The following HERC2 variants were observed in gnomAD, a reference collection of about 807,000 sequenced individuals.
HERC2 encodes the protein E3 ubiquitin-protein ligase HERC2.
In HERC2, 102 loss-of-function variants were observed where a neutral mutation model predicts 537.7. The ratio of observed to expected loss-of-function variants is 0.19; its 90% CI spans 0.16 to 0.22. The LOEUF (loss-of-function observed/expected upper bound fraction) is 0.22, where lower values mean the gene tolerates loss of function less well. Among genes scored for constraint, HERC2 ranks in the 10% least tolerant of loss-of-function variants. The pLI is 1.00. For synonymous variants in HERC2, 2,224 were observed against 2,466.2 expected (o/e 0.90, Z 2.91); for missense variants, 4,236 against 6,198.2 (o/e 0.68, Z 10.63).
At chr15:28,195,966 G>A (rs1897310836) in intron 52 of HERC2, among the ~76,000 whole-genome samples, 2 of 152,054 alleles carry the variant, frequency 1.3e-5, no homozygotes, top group Non-Finnish European at 2.9e-5. Flanking sequence ...TTCTTTTAAT[G>A]TTTCTTTATG....
At chr15:28,168,262 C>G in intron 67 of HERC2, 145 bp downstream of exon 67, 1 of 711,086 alleles carries the variant, frequency 1.4e-6, no homozygotes, top group Non-Finnish European at 2.3e-6. Flanking sequence ...AGCTCCTTTA[C>G]AGAGAATATT....
chr15:28,176,610 G>T lies in HERC2; in HGVS notation c.9515-11C>A, dbSNP rs781473707. The T allele has an allele frequency of 1.2e-6, 2 of 1,614,110 alleles. No homozygotes were observed. Among genetic ancestry groups the T allele is most frequent in the Admixed American group, 3.3e-5 (2 of 60,016 alleles). ...AGGAAAATACCAAACCTAGGTTTAA[G>T]AAACACATATACTTCAGGCCAGCGT... is the stretch of plus-strand genomic sequence containing the variant. On this transcript the variant is annotated splice_polypyrimidine_tract_variant and intron_variant, in intron 62 of 92. Coordinates refer to ENST00000261609, the MANE Select transcript of HERC2 (RefSeq NM_004667.6). The surrounding 1 kb of genome is among the most constrained non-coding windows in gnomAD (Gnocchi z 5.0).
chr15:28,238,572 TTAACCAGGAAA>T lies in HERC2; in HGVS notation c.3748+19_3748+29del. On this transcript the variant is annotated intron_variant, in intron 24 of 92. Transcript: ENST00000261609. ...CTTAAAATGATATAGGTTGTAACTT[TTAACCAGGAAA>T]TAACAAGTGTAATCTTACCAAGAAT... 1 of 1,587,260 alleles carries T rather than the reference TTAACCAGGAAA, an allele frequency of 6.3e-7. No homozygotes were observed. The highest frequency in any genetic ancestry group is 8.6e-7 in the Non-Finnish European group (1 of 1,159,504).
At chr15:28,214,899 G>A in intron 39 of HERC2, 97 bp from the exon 40 acceptor site, 2 of 1,004,504 alleles carry the variant, frequency 2.0e-6, no homozygotes, top group Non-Finnish European at 2.9e-6. Flanking sequence ...TTGAGACAGA[G>A]TCTCACACTG....
chr15:28,185,596 T>C (rs1896233447), intron 56 of HERC2, among the ~76,000 whole-genome samples: 1 of 152,200 alleles, frequency 6.6e-6, no homozygotes, highest in South Asian at 2.1e-4. Flanking sequence ...CAAATGCAAG[T>C]TCTAGATACA....
chr15:28,256,073 C>T lies in HERC2; in HGVS notation c.2746+16G>A. ...ACCCTGACCCATGCCCTCTCCTGTT[C>T]CTTCCCCAGGCCCACCTGCGCAGGG... On this transcript the variant is annotated intron_variant, in intron 18 of 92. Coordinates refer to ENST00000261609, the MANE Select transcript of HERC2 (RefSeq NM_004667.6). 1 of 1,603,784 alleles carries T rather than the reference C, an allele frequency of 6.2e-7. No homozygotes were observed. Among genetic ancestry groups the T allele is most frequent in the East Asian group, 2.2e-5 (1 of 44,846 alleles).
At chr15:28,287,042 C>G (rs1635170) in intron 4 of HERC2, among the ~76,000 whole-genome samples, 152,300 of 152,332 alleles carry the variant, frequency 1, 76,134 homozygotes, top group Middle Eastern at 1. Context: ...TGAATATGTG[C>G]GTGCGCGCTG....
intron 69 of HERC2, among the ~76,000 whole-genome samples, chr15:28,157,451 C>T (rs1893124121): frequency 1.3e-5 from 2 of 152,184 alleles, no homozygotes. Context: ...AGAGATTCAA[C>T]TTCTTCCTGG....
chr15:28,270,843 T>C lies in HERC2; in HGVS notation c.1109A>G (p.Asn370Ser), dbSNP rs201724547. Reference sequence around the variant, plus strand: ...GGTGAGGTACCTCAGGAAACTCTCATTGGGGCTCAGAGGGCCAGACAAAAG... The same window carrying C: ...GGTGAGGTACCTCAGGAAACTCTCACTGGGGCTCAGAGGGCCAGACAAAAG... The part of the protein sequence containing the change: ...MHLLSGPLSP[N>S]ESFLRYLTLP... The change falls in exon 10 of 93, where the codon AAT (asparagine) becomes AGT (serine). Residue 370 changes from asparagine to serine, a missense_variant. By Grantham distance (46) the Asn-to-Ser change is conservative. Around this residue, in one of 27 missense-constraint regions of HERC2, gnomAD observed 491 missense variants for 559.3 expected, o/e 0.88. Coordinates refer to ENST00000261609, the MANE Select transcript of HERC2 (RefSeq NM_004667.6). 1.1e-4 allele frequency: 174 copies of C among 1,613,688 alleles called. No homozygotes were observed. The highest frequency in any genetic ancestry group is 4.7e-4 in the South Asian group (43 of 91,064).
intron 34 of HERC2, 146 bp from the exon 35 acceptor site, chr15:28,228,555 C>G: frequency 1.3e-6 from 1 of 786,040 alleles, no homozygotes; most frequent in Non-Finnish European, 2.1e-6. Flanking sequence ...ATAAACGTAA[C>G]GCAGAAAGCA....
chr15:28,132,001 A>G, intron 81 of HERC2, 99 bp downstream of exon 81: 1 of 1,023,064 alleles, frequency 9.8e-7, no homozygotes, highest in Non-Finnish European at 1.4e-6. Flanking sequence ...CACGGGGGAC[A>G]GTAATGGTGG....
intron 46 of HERC2, 44 bp downstream of exon 46, chr15:28,202,303 G>A (rs559429770): frequency 5.6e-6 from 9 of 1,612,742 alleles, no homozygotes; most frequent in African/African-American, 2.7e-5. Context: ...GCCCTGAAGC[G>A]GGAACCCACA....
intron 72 of HERC2, 135 bp from the exon 73 acceptor site, chr15:28,144,370 A>C (rs1209854001): frequency 2.3e-6 from 2 of 867,300 alleles, no homozygotes; most frequent in Non-Finnish European, 3.5e-6. Flanking sequence ...CACGCATGCC[A>C]CTGCGAGTCG....
In HERC2 at chr15:28,132,080, A is replaced by G; in HGVS notation, c.12570+20T>C. ...GCGGTGAGCTGGGAGAGCACTGGGC[A>G]GGGAAAGAATGGGAAATACCTTCAT... On this transcript the variant is annotated intron_variant, in intron 81 of 92. Coordinates refer to ENST00000261609, the MANE Select transcript of HERC2 (RefSeq NM_004667.6). 6.4e-7 allele frequency: 1 copy of G among 1,571,136 alleles called. No homozygotes were observed. Among genetic ancestry groups the G allele is most frequent in the African/African-American group, 1.4e-5 (1 of 74,030 alleles).
rs929634683 is a variant in HERC2 at position 28,177,917 on chromosome 15, G to A, written c.9164-408C>T. 2.0e-5 allele frequency among the ~76,000 whole-genome samples: 3 copies of A among 152,170 alleles called. No individual in the cohort carries two copies. Among genetic ancestry groups the A allele is most frequent in the Admixed American group, 6.5e-5 (1 of 15,290 alleles). ...ACAGTGAAATTATTCAATCATTTGC[G>A]ATTAATGCAATATATTCACTCTTCC... On this transcript the variant is annotated intron_variant, in intron 59 of 92. Transcript: ENST00000261609. The surrounding 1 kb of genome is among the most constrained non-coding windows in gnomAD (Gnocchi z 5.0).
intron 86 of HERC2, among the ~76,000 whole-genome samples, chr15:28,120,434 TGATCCAAGAGGCGAGGCCA>T (rs1375842137): frequency 6.6e-6 from 1 of 152,254 alleles, no homozygotes; most frequent in Admixed American, 6.5e-5. Context: ...TCTCTGTGTC[TGATCCAAGAGGCGAGGCCA>T]GTTTCATTTG....
At chr15:28,242,764 G>A (rs1037106127) in intron 23 of HERC2, among the ~76,000 whole-genome samples, 6 of 152,066 alleles carry the variant, frequency 3.9e-5, no homozygotes, top group Non-Finnish European at 8.8e-5. Flanking sequence ...GTCAACATTT[G>A]AAAAGTCAGT....
At chr15:28,114,534 A>T in intron 90 of HERC2, 78 bp downstream of exon 90, 1 of 1,339,698 alleles carries the variant, frequency 7.5e-7, no homozygotes, top group Non-Finnish European at 1.1e-6. Context: ...CACTCCTGAA[A>T]AACACACATG....
chr15:28,166,558 C>A (rs1282754838), intron 68 of HERC2, among the ~76,000 whole-genome samples: 2 of 152,176 alleles, frequency 1.3e-5, no homozygotes, highest in Admixed American at 1.3e-4. Flanking sequence ...GGAACCATGG[C>A]TTCTTGAAGA....
Sources: allele counts gnomAD v4.1 joint callset (sites outside exome capture counted in the v4.1 genomes callset), GRCh38; gene constraint gnomAD v4.1.1; regional missense constraint gnomAD v4.1.1; non-coding constraint Gnocchi (gnomAD v3.1); transcripts MANE v1.5; gene names NCBI Gene and HGNC (gene_info 2026-07-23, HGNC 2026-07-21).